The following XDH variants were observed in gnomAD, a reference collection of about 807,000 sequenced individuals.
The protein encoded by XDH is xanthine dehydrogenase/oxidase.
Under a neutral mutation model 156.1 loss-of-function variants are expected in XDH, and 138 were observed. The observed-to-expected ratio is 0.88, with a 90% confidence interval of 0.77 to 1.02. The LOEUF is 1.02. Among genes scored for constraint, XDH ranks in the 50% least tolerant of loss-of-function variants. XDH has a pLI of 0.00. For missense variants in XDH, 1,849 were observed against 1,684.9 expected, an observed-to-expected ratio of 1.10 and a Z score of -1.71; for synonymous variants, 669 against 625.7, an observed-to-expected ratio of 1.07 and a Z score of -1.03.
At chr2:31,394,002 A>G (rs537393291) in intron 6 of XDH, among the ~76,000 whole-genome samples, 1 of 152,226 alleles carries the variant, frequency 6.6e-6, no homozygotes, top group East Asian at 1.9e-4. Flanking sequence ...ATATATATAC[A>G]TATGCACACA....
In XDH at chr2:31,348,946, T is replaced by C. The variant is rs1572516584; in HGVS notation, c.3004A>G (p.Ile1002Val). The C allele has an allele frequency of 6.2e-7, 1 of 1,613,536 alleles. No homozygotes were observed. The highest frequency in any genetic ancestry group is 8.5e-7 in the Non-Finnish European group (1 of 1,179,380). The change falls in exon 27 of 36, where the codon ATT (isoleucine) becomes GTT (valine). Residue 1002 changes from isoleucine to valine, a missense_variant. Physicochemically the swap from Ile to Val is conservative, Grantham distance 29. Transcript: ENST00000379416. ...NCWKKRGLCI[I>V]PTKFGISFTV... ...AAGCTTATTCCAAACTTGGTGGGAA[T>C]TATGCACAATCCTCTCTTTTTCCAA...
chr2:31,402,403 A>T (rs192896190), intron 3 of XDH, among the ~76,000 whole-genome samples: 2 of 152,292 alleles, frequency 1.3e-5, no homozygotes, highest in East Asian at 3.9e-4. Context: ...TGTTTTCTCA[A>T]ATAAACTGTA....
At chr2:31,385,933 T>C (rs1392203842) in intron 9 of XDH, among the ~76,000 whole-genome samples, 2 of 152,210 alleles carry the variant, frequency 1.3e-5, no homozygotes, top group Non-Finnish European at 2.9e-5. Flanking sequence ...CTAGACACTT[T>C]GCTTAAATTA....
intron 14 of XDH, among the ~76,000 whole-genome samples, chr2:31,376,584 G>A (rs1217314821): frequency 1.3e-5 from 2 of 149,506 alleles, no homozygotes; most frequent in Non-Finnish European, 3.0e-5. Context: ...GGCAGCAGTA[G>A]TATTAGCAAT....
At chr2:31,396,902 CT>C (rs1686923200) in intron 6 of XDH, among the ~76,000 whole-genome samples, 1 of 152,222 alleles carries the variant, frequency 6.6e-6, no homozygotes, top group Non-Finnish European at 1.5e-5. Flanking sequence ...ACACAGCACT[CT>C]TTTTCATGAT....
At chr2:31,347,380 A>T in intron 29 of XDH, 142 bp downstream of exon 29, 1 of 1,258,664 alleles carries the variant, frequency 7.9e-7, no homozygotes, top group Admixed American at 2.3e-5. Flanking sequence ...GAGAAACAGC[A>T]TCCTCCTGGA....
In XDH at chr2:31,339,475, C is replaced by G. The variant is rs769265817; in HGVS notation, c.3774+14G>C. 8.7e-6 allele frequency: 14 copies of G among 1,613,714 alleles called. No individual in the cohort carries two copies. Among genetic ancestry groups the G allele is most frequent in the Non-Finnish European group, 1.2e-5 (14 of 1,180,038 alleles). ...CAGATCAGAAGAGACAGCACAGAGC[C>G]AGAGCAATGGTACCTTCGATGCATA... On this transcript the variant is annotated intron_variant, in intron 34 of 35. Transcript: ENST00000379416.
intron 4 of XDH, 151 bp downstream of exon 4, chr2:31,401,069 A>G: frequency 2.5e-6 from 2 of 816,234 alleles, no homozygotes; most frequent in Non-Finnish European, 4.0e-6. Context: ...TACCCAGAGG[A>G]GATGGGGAGG....
At chr2:31,358,846 C>T (rs894861983) in intron 24 of XDH, among the ~76,000 whole-genome samples, 1 of 152,020 alleles carries the variant, frequency 6.6e-6, no homozygotes, top group African/African-American at 2.4e-5. Flanking sequence ...GATGTCTTCC[C>T]CTTAAGAATA....
intron 35 of XDH, among the ~76,000 whole-genome samples, chr2:31,336,985 C>T (rs1684984734): frequency 6.6e-6 from 1 of 150,462 alleles, no homozygotes; most frequent in Non-Finnish European, 1.5e-5. Flanking sequence ...CTAGCAAAGT[C>T]TTCTTTTGTT....
chr2:31,414,477 T>C (rs1687423531), intron 1 of XDH, 148 bp downstream of exon 1: 1 of 1,194,708 alleles, frequency 8.4e-7, no homozygotes, highest in Admixed American at 1.7e-5. Context: ...GTTACCAAAA[T>C]GCAGCGACAC....
chr2:31,410,057 G>C (rs753888679), intron 1 of XDH, among the ~76,000 whole-genome samples: 6 of 152,148 alleles, frequency 3.9e-5, no homozygotes, highest in Non-Finnish European at 7.4e-5. Context: ...TATTCAACCT[G>C]AGAAAGGAAG....
chr2:31,388,435 T>A, intron 6 of XDH, 140 bp from the exon 7 acceptor site: 1 of 931,918 alleles, frequency 1.1e-6, no homozygotes, highest in Non-Finnish European at 1.7e-6. Context: ...CCTGCCTGCC[T>A]GTTGCCCAGA....
chr2:31,363,334 A>G (rs567038927), intron 24 of XDH, among the ~76,000 whole-genome samples: 25 of 152,370 alleles, frequency 1.6e-4, no homozygotes, highest in African/African-American at 5.5e-4. Context: ...TAATAAAAAC[A>G]TAGATGAACC....
chr2:31,365,451 T>A lies in XDH; in HGVS notation c.2544+6A>T, dbSNP rs770657209. On this transcript the variant is annotated splice_donor_region_variant and intron_variant, in intron 23 of 35. Coordinates refer to ENST00000379416, the MANE Select transcript of XDH (RefSeq NM_000379.4). ...CCCGCCCCAGCACAGCCCCAACATC[T>A]AGAACCTTGTATCTGGCCAGGAAGG... 6.2e-7 allele frequency: 1 copy of A among 1,614,146 alleles called. No homozygotes were observed. The highest frequency in any genetic ancestry group is 8.5e-7 in the Non-Finnish European group (1 of 1,180,002).
intron 6 of XDH, among the ~76,000 whole-genome samples, chr2:31,392,688 G>A (rs1686799888): frequency 6.6e-6 from 1 of 152,164 alleles, no homozygotes; most frequent in Non-Finnish European, 1.5e-5. Context: ...CTCCCAAAGT[G>A]CTGGGATTAC....
At chr2:31,360,383 C>T (rs1251937951) in intron 24 of XDH, among the ~76,000 whole-genome samples, 1 of 152,254 alleles carries the variant, frequency 6.6e-6, no homozygotes, top group African/African-American at 2.4e-5. Context: ...CACTTGTAAT[C>T]CCAGCTACTT....
At chr2:31,365,327 G>T in intron 23 of XDH, 130 bp downstream of exon 23, 1 of 941,278 alleles carries the variant, frequency 1.1e-6, no homozygotes, top group Non-Finnish European at 1.7e-6. Flanking sequence ...TTCTCTTCTT[G>T]CTATATCTTA....
At chr2:31,367,029 A>G (rs1558688994) in intron 20 of XDH, 35 bp from the exon 21 acceptor site, 1 of 1,613,940 alleles carries the variant, frequency 6.2e-7, no homozygotes, top group South Asian at 1.1e-5. Flanking sequence ...CAGTGAGCCC[A>G]ATGCTGCAGA....
Sources: gnomAD v4.1 joint callset for allele counts (sites outside exome capture counted in the v4.1 genomes callset) on GRCh38, gnomAD v4.1.1 for gene constraint, MANE v1.5 for transcripts, NCBI Gene and HGNC (gene_info 2026-07-23, HGNC 2026-07-21) for gene names.